MARCHF3: variants seen among roughly 807,000 people sequenced by gnomAD.
MARCHF3 encodes the protein membrane associated ring-CH-type finger 3.
MARCHF3 carries 13 observed loss-of-function variants against 24.2 expected under a neutral mutation model. The ratio of observed to expected loss-of-function variants is 0.54; its 90% CI spans 0.35 to 0.85. The LOEUF (loss-of-function observed/expected upper bound fraction) is 0.85, where lower values mean the gene tolerates loss of function less well. Ranked by LOEUF, MARCHF3 falls within the 40% of genes least tolerant of loss-of-function variation. The probability of loss-of-function intolerance (pLI) is 0.01; values close to 1 mark genes in which losing one functional copy is unlikely to be tolerated. For synonymous variants in MARCHF3, 144 were observed against 137.3 expected, an observed-to-expected ratio of 1.05 and a Z score of -0.34; for missense variants, 276 against 325.0, an observed-to-expected ratio of 0.85 and a Z score of 1.16.
At chr5:126,973,584 G>A (rs191341892) in intron 1 of MARCHF3, among the ~76,000 whole-genome samples, 2 of 152,192 alleles carry the variant, frequency 1.3e-5, no homozygotes, top group Non-Finnish European at 2.9e-5. Context: ...GTGGCAGAGA[G>A]AATTTGGGGG....
In MARCHF3 at chr5:126,905,543, T is replaced by C. The variant is rs181304657; in HGVS notation, c.393+9387A>G. 8.4e-3 allele frequency among the ~76,000 whole-genome samples: 1,274 copies of C among 151,766 alleles called. 34 individuals are homozygous for C. Among genetic ancestry groups the C allele is most frequent in the East Asian group, 0.025 (132 of 5,188 alleles). Reference sequence around the variant, plus strand: ...AGAGGTCCTTCACATCCCTTATAAGTTGGATTCCTAGGTATTTTATTCTCT... The same window carrying C: ...AGAGGTCCTTCACATCCCTTATAAGCTGGATTCCTAGGTATTTTATTCTCT... On this transcript the variant is annotated intron_variant, in intron 3 of 4. Transcript: ENST00000308660.
rs78289385 is a variant in MARCHF3, at chr5:126,999,639, G to C, written c.-57+30711C>G. Among the ~76,000 whole-genome samples, 1,221 of 152,254 alleles carry C rather than the reference G, an allele frequency of 8.0e-3. 11 individuals carry two copies. Among genetic ancestry groups the C allele is most frequent in the African/African-American group, 0.028 (1,169 of 41,538 alleles). On this transcript the variant is annotated intron_variant, in intron 1 of 4. Coordinates refer to ENST00000308660, the MANE Select transcript of MARCHF3 (RefSeq NM_178450.5). ...GTATTCTGGCACCTGGCCACTTTAG[G>C]GGGGCAGAGAGATATATTTTCAAAA...
chr5:126,954,991 AG>A (rs1750392461), intron 1 of MARCHF3, among the ~76,000 whole-genome samples: 1 of 152,166 alleles, frequency 6.6e-6, no homozygotes, highest in African/African-American at 2.4e-5. Flanking sequence ...AACAGCATAT[AG>A]TATCATTTTA....
intron 3 of MARCHF3, among the ~76,000 whole-genome samples, chr5:126,889,645 T>A (rs2126774346): frequency 6.6e-6 from 1 of 152,264 alleles, no homozygotes; most frequent in African/African-American, 2.4e-5. Flanking sequence ...ACAGAGGAAC[T>A]CTTGGATTTG....
In MARCHF3 at chr5:126,918,157, G is replaced by A; in HGVS notation, c.15C>T (p.Arg5=). Residue 5 remains arginine (R), a synonymous_variant, in exon 2 of 5, where the codon CGC becomes CGT. Transcript: ENST00000308660. ...GCAGGACTTCGGGCAGGTGACTGCA[G>A]CGGCTGGTTGTCATGGTAACAGACA... The part of the protein sequence containing the change: MTTS[R]CSHLPEVLPD... 1 of 1,613,316 alleles carries A rather than the reference G, an allele frequency of 6.2e-7. No individual in the cohort carries two copies. The highest frequency in any genetic ancestry group is 8.5e-7 in the Non-Finnish European group (1 of 1,179,798).
intron 1 of MARCHF3, among the ~76,000 whole-genome samples, chr5:126,947,632 G>A (rs1447517761): frequency 6.6e-6 from 1 of 152,166 alleles, no homozygotes; most frequent in Non-Finnish European, 1.5e-5. Context: ...CGTGTGCACA[G>A]GGGCATGGGG....
intron 1 of MARCHF3, among the ~76,000 whole-genome samples, chr5:127,008,880 AATTTATTTATTTATTTATTTATTTATTT>A (rs11270456): frequency 0.47 from 69,042 of 147,788 alleles, 16,512 homozygotes; most frequent in East Asian, 0.67. Context: ...CTCTTTAAAA[AATTTATTTATTTATTTATTTATTTATTT>A]ATTTATTTAT....
intron 1 of MARCHF3, among the ~76,000 whole-genome samples, chr5:127,029,180 C>A (rs372793507): frequency 1.3e-5 from 2 of 152,204 alleles, no homozygotes; most frequent in South Asian, 2.1e-4. Context: ...ATTTCCCCTT[C>A]ATATATTTAC....
At chr5:126,895,321 T>A (rs1229564734) in intron 3 of MARCHF3, among the ~76,000 whole-genome samples, 1 of 152,178 alleles carries the variant, frequency 6.6e-6, no homozygotes, top group Non-Finnish European at 1.5e-5. Context: ...CTCAAAGTCA[T>A]TCTCCATCTA....
At chr5:126,894,327 G>A (rs1396088834) in intron 3 of MARCHF3, among the ~76,000 whole-genome samples, 2 of 149,698 alleles carry the variant, frequency 1.3e-5, no homozygotes, top group African/African-American at 2.5e-5. Context: ...ATTTGATCCT[G>A]TCATTATGAT....
At chr5:126,895,666 C>A (rs530361406) in intron 3 of MARCHF3, among the ~76,000 whole-genome samples, 1 of 152,080 alleles carries the variant, frequency 6.6e-6, no homozygotes, top group African/African-American at 2.4e-5. Flanking sequence ...GCAGTCTGCC[C>A]GTTCTCAGAT....
chr5:126,975,628 C>T (rs1751165407), intron 1 of MARCHF3, among the ~76,000 whole-genome samples: 1 of 152,196 alleles, frequency 6.6e-6, no homozygotes, highest in African/African-American at 2.4e-5. Flanking sequence ...TCACTGCCAT[C>T]TTGGAAGGAT....
At chr5:127,009,066 A>T (rs1752401876) in intron 1 of MARCHF3, among the ~76,000 whole-genome samples, 1 of 152,158 alleles carries the variant, frequency 6.6e-6, no homozygotes, top group Non-Finnish European at 1.5e-5. Flanking sequence ...CAAATAAAGG[A>T]AGACAGGACC....
chr5:126,896,690 T>C (rs1753932640), intron 3 of MARCHF3, among the ~76,000 whole-genome samples: 1 of 152,116 alleles, frequency 6.6e-6, no homozygotes, highest in Non-Finnish European at 1.5e-5. Flanking sequence ...GGCCTTCTCA[T>C]GGAAGAGGGA....
chr5:126,940,596 C>T (rs1386621417), intron 1 of MARCHF3, among the ~76,000 whole-genome samples: 3 of 151,798 alleles, frequency 2.0e-5, no homozygotes, highest in African/African-American at 7.3e-5. Flanking sequence ...TACAGGCACC[C>T]GCCACCACAC....
chr5:126,911,703 AATAG>A (rs1396263653), intron 3 of MARCHF3, among the ~76,000 whole-genome samples: 1 of 152,232 alleles, frequency 6.6e-6, no homozygotes, highest in Non-Finnish European at 1.5e-5. Context: ...GAATGTAGTA[AATAG>A]ATATCTACTA....
intron 1 of MARCHF3, among the ~76,000 whole-genome samples, chr5:127,000,590 T>C (rs1224312317): frequency 2.0e-5 from 3 of 152,190 alleles, no homozygotes; most frequent in African/African-American, 7.2e-5. Context: ...TGATAACCCA[T>C]CCAGCTTTAC....
intron 1 of MARCHF3, among the ~76,000 whole-genome samples, chr5:126,981,214 G>A (rs1234055477): frequency 2.0e-5 from 3 of 152,176 alleles, no homozygotes; most frequent in Non-Finnish European, 2.9e-5. Flanking sequence ...AGGCATCTCT[G>A]GATAGTCACT....
intron 1 of MARCHF3, among the ~76,000 whole-genome samples, chr5:127,009,558 T>C (rs1035160449): frequency 6.6e-6 from 1 of 152,186 alleles, no homozygotes; most frequent in African/African-American, 2.4e-5. Context: ...AGCACCTGTA[T>C]TGTATTTCTT....
Sources: gnomAD v4.1 joint callset for allele counts (sites outside exome capture counted in the v4.1 genomes callset) on GRCh38, gnomAD v4.1.1 for gene constraint, MANE v1.5 for transcripts, NCBI Gene and HGNC (gene_info 2026-07-23, HGNC 2026-07-21) for gene names.